Variants in EPHA3 observed in about 807,000 individuals in gnomAD.
EPHA3 encodes ephrin type-A receptor 3.
EPHA3 carries 42 observed loss-of-function variants against 107.1 expected under a neutral mutation model. The observed-to-expected ratio is 0.39, with a 90% CI of 0.31 to 0.51. The LOEUF (loss-of-function observed/expected upper bound fraction) is 0.51. Ranked by LOEUF, EPHA3 falls within the 20% of genes least tolerant of loss-of-function variation. The pLI is 0.78. For synonymous variants in EPHA3, 461 were observed against 424.8 expected, an observed-to-expected ratio of 1.09 and a Z score of -1.05; for missense variants, 1,183 against 1,211.2, an observed-to-expected ratio of 0.98 and a Z score of 0.35.
chr3:89,445,581 T>A lies in EPHA3; in HGVS notation c.2347-3644T>A, dbSNP rs147122844. Among the ~76,000 whole-genome samples, 37 of 152,286 alleles carry A rather than the reference T, an allele frequency of 2.4e-4. No individual in the cohort carries two copies. In the East Asian group the frequency reaches 7.0e-3, roughly 29 times the overall value. The stretch of plus-strand genomic sequence containing the variant: ...TGGTTTCATTGTTGAACTGATTGAA[T>A]GCCACTTAATTTTTGAGTGTTTGTA... On this transcript the variant is annotated intron_variant, in intron 13 of 16. Transcript: ENST00000336596.
chr3:89,343,879 T>G (rs1707586735), intron 5 of EPHA3, among the ~76,000 whole-genome samples: 1 of 152,224 alleles, frequency 6.6e-6, no homozygotes, highest in Non-Finnish European at 1.5e-5. Flanking sequence ...TAATGGTATT[T>G]ATACTTTGTA....
intron 3 of EPHA3, among the ~76,000 whole-genome samples, chr3:89,340,009 A>T (rs1707482044): frequency 1.3e-5 from 2 of 152,346 alleles, no homozygotes; most frequent in African/African-American, 4.8e-5. Context: ...GTAATTATAA[A>T]AATGCATCAA....
intron 2 of EPHA3, among the ~76,000 whole-genome samples, chr3:89,189,774 T>G (rs13093815): frequency 0.14 from 21,624 of 152,192 alleles, 1,685 homozygotes; most frequent in African/African-American, 0.21. Context: ...CATTATCTAT[T>G]TTTTAAAACT....
At chr3:89,184,846 G>T (rs1260687704) in intron 2 of EPHA3, among the ~76,000 whole-genome samples, 1 of 152,038 alleles carries the variant, frequency 6.6e-6, no homozygotes, top group Admixed American at 6.6e-5. Context: ...ATATTAGAAT[G>T]TGAAGCTGGA....
At chr3:89,129,972 T>C (rs1704171450) in intron 2 of EPHA3, among the ~76,000 whole-genome samples, 1 of 152,078 alleles carries the variant, frequency 6.6e-6, no homozygotes, top group African/African-American at 2.4e-5. Context: ...GAGGAAAAAA[T>C]CATAATAACA....
At chr3:89,235,638 C>T (rs1704740750) in intron 3 of EPHA3, among the ~76,000 whole-genome samples, 1 of 151,816 alleles carries the variant, frequency 6.6e-6, no homozygotes, top group South Asian at 2.1e-4. Context: ...AGTATATTTT[C>T]AATATACCAT....
intron 2 of EPHA3, among the ~76,000 whole-genome samples, chr3:89,200,240 A>C (rs1211587857): frequency 6.6e-6 from 1 of 152,156 alleles, no homozygotes; most frequent in African/African-American, 2.4e-5. Context: ...TAAAGATATC[A>C]ATTTATTTAT....
chr3:89,230,650 G>T (rs1395309879), intron 3 of EPHA3, among the ~76,000 whole-genome samples: 1 of 152,108 alleles, frequency 6.6e-6, no homozygotes, highest in Non-Finnish European at 1.5e-5. Context: ...GTTTCGGGCA[G>T]TATCAGGGAA....
At chr3:89,443,797 G>C (rs1709828592) in intron 13 of EPHA3, among the ~76,000 whole-genome samples, 1 of 152,132 alleles carries the variant, frequency 6.6e-6, no homozygotes, top group Non-Finnish European at 1.5e-5. Flanking sequence ...TAATAAAGCA[G>C]TAGAAAGATC....
At chr3:89,343,813 C>T (rs1300210755) in intron 5 of EPHA3, among the ~76,000 whole-genome samples, 2 of 152,120 alleles carry the variant, frequency 1.3e-5, no homozygotes, top group Non-Finnish European at 2.9e-5. Context: ...TCTATAATTT[C>T]TCCCACTTGG....
intron 15 of EPHA3, among the ~76,000 whole-genome samples, chr3:89,467,533 A>G (rs1559706686): frequency 2.6e-5 from 4 of 152,216 alleles, no homozygotes; most frequent in Admixed American, 2.0e-4. Flanking sequence ...CTAGAGATTC[A>G]GAATTCTAAG....
intron 3 of EPHA3, among the ~76,000 whole-genome samples, chr3:89,309,878 C>T (rs1445761433): frequency 6.6e-6 from 1 of 150,858 alleles, no homozygotes; most frequent in Admixed American, 6.6e-5. Flanking sequence ...CCACCCCCCA[C>T]CCCCCACACA....
At chr3:89,130,808 T>A (rs1300324758) in intron 2 of EPHA3, among the ~76,000 whole-genome samples, 1 of 152,042 alleles carries the variant, frequency 6.6e-6, no homozygotes, top group African/African-American at 2.4e-5. Flanking sequence ...CTAATTTTTT[T>A]GTGTTTTTTA....
intron 2 of EPHA3, among the ~76,000 whole-genome samples, chr3:89,131,577 T>C (rs1341424138): frequency 1.3e-5 from 2 of 152,156 alleles, no homozygotes; most frequent in Non-Finnish European, 2.9e-5. Flanking sequence ...TCACTTAGTA[T>C]AGTATTGATA....
intron 13 of EPHA3, among the ~76,000 whole-genome samples, chr3:89,431,834 A>G (rs1709575894): frequency 6.6e-6 from 1 of 152,188 alleles, no homozygotes; most frequent in Non-Finnish European, 1.5e-5. Context: ...ATCCACAGAC[A>G]ACATTTATAA....
chr3:89,480,408 T>G lies in EPHA3; in HGVS notation c.*906T>G, dbSNP rs1418511354. The stretch of plus-strand genomic sequence containing the variant: ...TCTCCGTTTATTATAAACTGTATGC[T>G]CACAACTTAGTGTAATATACCAGCT... On this transcript the variant is annotated 3_prime_UTR_variant, in exon 17 of 17. Coordinates refer to ENST00000336596, the MANE Select transcript of EPHA3 (RefSeq NM_005233.6). 8.6e-6 allele frequency: 2 copies of G among 233,198 alleles called. No homozygotes were observed. Among genetic ancestry groups the G allele is most frequent in the Non-Finnish European group, 1.7e-5 (2 of 117,854 alleles). The allele number at this position is 233,198 out of a possible 1,614,324, so 14.4% of individuals were successfully genotyped here. A position where few individuals can be genotyped will look rare whatever the true frequency, so the allele number is the denominator to read the frequency against.
At chr3:89,202,710 A>G (rs1281148189) in intron 2 of EPHA3, among the ~76,000 whole-genome samples, 2 of 152,052 alleles carry the variant, frequency 1.3e-5, no homozygotes, top group Non-Finnish European at 2.9e-5. Context: ...AGAAAATCAC[A>G]GTAGAATGCT....
At chr3:89,336,953 G>C (rs1707405303) in intron 3 of EPHA3, among the ~76,000 whole-genome samples, 1 of 152,004 alleles carries the variant, frequency 6.6e-6, no homozygotes, top group Non-Finnish European at 1.5e-5. Flanking sequence ...CCCAGGCTGA[G>C]GTGGGAGGAT....
rs938324634 is a variant in EPHA3, at chr3:89,472,449, T to G, written c.2691-15T>G. Reference sequence around the variant, plus strand: ...ACTCCTGATCTGTCTCCCTTTGGTGTTTTTTTTCTTGCAGGCCATCAAACC... The same window carrying G: ...ACTCCTGATCTGTCTCCCTTTGGTGGTTTTTTTCTTGCAGGCCATCAAACC... On this transcript the variant is annotated splice_polypyrimidine_tract_variant and intron_variant, in intron 15 of 16. Transcript: ENST00000336596. The G allele has an allele frequency of 3.7e-6, 6 of 1,600,818 alleles. No individual in the cohort carries two copies. The African/African-American group carries it at 8.3e-5, about 22-fold the overall frequency.
Sources: allele counts gnomAD v4.1 joint callset (sites outside exome capture counted in the v4.1 genomes callset), GRCh38; gene constraint gnomAD v4.1.1; transcripts MANE v1.5; gene names NCBI Gene and HGNC (gene_info 2026-07-23, HGNC 2026-07-21).